FTO: variants seen among roughly 807,000 people sequenced by gnomAD.
The protein encoded by FTO is alpha-ketoglutarate-dependent dioxygenase FTO.
A neutral mutation model predicts 63.9 loss-of-function variants in FTO; 47 were observed. The ratio of observed to expected loss-of-function variants is 0.74; its 90% CI spans 0.58 to 0.94. The LOEUF is 0.94. FTO is among the 40% of genes least tolerant of loss of function. The pLI, the probability that FTO is intolerant of heterozygous loss-of-function variation, is 0.00. For missense variants in FTO, 562 were observed against 618.1 expected (o/e 0.91, Z 0.96); for synonymous variants, 207 against 224.4 (o/e 0.92, Z 0.69).
chr16:53,764,606 T>C (rs948123270), intron 1 of FTO, among the ~76,000 whole-genome samples: 6 of 152,304 alleles, frequency 3.9e-5, no homozygotes, highest in Middle Eastern at 3.4e-3. Flanking sequence ...GTTGAGAGCA[T>C]GTGCGAACTT....
chr16:53,731,683 G>A (rs1178847696), intron 1 of FTO, among the ~76,000 whole-genome samples: 1 of 151,490 alleles, frequency 6.6e-6, no homozygotes, highest in Non-Finnish European at 1.5e-5. Context: ...TCATGCCTCA[G>A]CCTCCCGAGT....
intron 3 of FTO, among the ~76,000 whole-genome samples, chr16:53,840,565 G>T (rs1298168910): frequency 1.3e-5 from 2 of 152,188 alleles, no homozygotes; most frequent in Non-Finnish European, 2.9e-5. Context: ...TATAGTCTGT[G>T]TCTTATCTAC....
At chr16:54,051,990 A>T (rs201509085) in intron 8 of FTO, among the ~76,000 whole-genome samples, 1 of 152,200 alleles carries the variant, frequency 6.6e-6, no homozygotes, top group East Asian at 1.9e-4. Context: ...AGAGGACTGG[A>T]TGCCAAAACA....
At chr16:53,932,973 A>C (rs2082316209) in intron 7 of FTO, among the ~76,000 whole-genome samples, 1 of 152,158 alleles carries the variant, frequency 6.6e-6, no homozygotes, top group African/African-American at 2.4e-5. Context: ...TCCCTCTAAG[A>C]CTTTATACCA....
intron 7 of FTO, among the ~76,000 whole-genome samples, chr16:53,928,435 G>A (rs2082200070): frequency 6.6e-6 from 1 of 152,072 alleles, no homozygotes; most frequent in South Asian, 2.1e-4. Context: ...ACATTTCCTG[G>A]GGAAGTCAAC....
intron 8 of FTO, among the ~76,000 whole-genome samples, chr16:53,997,703 TC>T (rs1555500964): frequency 1.4e-5 from 1 of 73,036 alleles, no homozygotes; most frequent in African/African-American, 1.2e-4. Flanking sequence ...TTGATTTGGA[TC>T]TTTTTTTTTT....
intron 8 of FTO, among the ~76,000 whole-genome samples, chr16:54,093,023 T>G (rs1289098271): frequency 6.6e-6 from 1 of 152,186 alleles, no homozygotes; most frequent in South Asian, 2.1e-4. Flanking sequence ...TCCCCATACA[T>G]TTGAACAAAA....
chr16:54,077,737 AG>A (rs1447305046), intron 8 of FTO, among the ~76,000 whole-genome samples: 2 of 152,112 alleles, frequency 1.3e-5, no homozygotes, highest in Non-Finnish European at 2.9e-5. Flanking sequence ...ATCAGATGGC[AG>A]GGGGGCAGGT....
At chr16:54,097,783 A>G (rs760490437) in intron 8 of FTO, among the ~76,000 whole-genome samples, 3 of 152,182 alleles carry the variant, frequency 2.0e-5, no homozygotes, top group Non-Finnish European at 2.9e-5. Context: ...AGTGCTACAG[A>G]GAAAAATAGG....
chr16:53,759,109 A>C (rs2076988241), intron 1 of FTO, among the ~76,000 whole-genome samples: 1 of 152,168 alleles, frequency 6.6e-6, no homozygotes, highest in Non-Finnish European at 1.5e-5. Context: ...TTATATTATT[A>C]TTTGTACTTT....
intron 8 of FTO, among the ~76,000 whole-genome samples, chr16:54,088,613 A>C (rs187986719): frequency 6.6e-6 from 1 of 152,196 alleles, no homozygotes; most frequent in Non-Finnish European, 1.5e-5. Flanking sequence ...ATGCCCCACA[A>C]ATAAACAGAT....
chr16:53,879,721 A>T, intron 5 of FTO, 123 bp from the exon 6 acceptor site: 4 of 908,890 alleles, frequency 4.4e-6, no homozygotes, highest in Non-Finnish European at 7.2e-6. Context: ...AAAGGAGTAT[A>T]GACTGAGCCA....
At chr16:53,841,591 C>T (rs972699108) in intron 3 of FTO, among the ~76,000 whole-genome samples, 3 of 152,188 alleles carry the variant, frequency 2.0e-5, no homozygotes, top group African/African-American at 7.2e-5. Flanking sequence ...TTCACCATGC[C>T]TAGTGCAAAT....
rs572591464 is a variant in FTO at position 53,866,489 on chromosome 16, T to C, written c.896-7297T>C. Among the ~76,000 whole-genome samples the C allele has an allele frequency of 2.0e-5, 3 of 152,306 alleles. No individual in the cohort carries two copies. In the South Asian group the frequency reaches 6.2e-4, roughly 32 times the overall value. On this transcript the variant is annotated intron_variant, in intron 4 of 8. Coordinates refer to ENST00000471389, the MANE Select transcript of FTO (RefSeq NM_001080432.3). ...TTAAATGTTTGGTAGAACTCAACAG[T>C]GAACATATTTGGGCCTGGCGCTTTG...
chr16:54,106,888 G>A (rs1399837948), intron 8 of FTO, among the ~76,000 whole-genome samples: 1 of 135,966 alleles, frequency 7.4e-6, no homozygotes, highest in Non-Finnish European at 1.5e-5. Context: ...ATATATTATT[G>A]TATATAAATA....
At chr16:53,738,927 A>G (rs1410150702) in intron 1 of FTO, among the ~76,000 whole-genome samples, 1 of 150,874 alleles carries the variant, frequency 6.6e-6, no homozygotes, top group African/African-American at 2.4e-5. Flanking sequence ...TGGAGCCTCA[A>G]CCTCCGGGGC....
At chr16:53,819,314 T>G (rs997670248) in intron 2 of FTO, among the ~76,000 whole-genome samples, 1 of 152,044 alleles carries the variant, frequency 6.6e-6, no homozygotes, top group Admixed American at 6.6e-5. Context: ...GGACCACAGG[T>G]GCATGCCACC....
intron 7 of FTO, among the ~76,000 whole-genome samples, chr16:53,910,466 C>G (rs146532237): frequency 0.026 from 4,030 of 152,156 alleles, 72 homozygotes; most frequent in African/African-American, 0.051. Context: ...AAAAATTTTG[C>G]TGCAAAATTA....
chr16:53,821,687 T>A (rs917793710), intron 2 of FTO, among the ~76,000 whole-genome samples: 1 of 152,144 alleles, frequency 6.6e-6, no homozygotes, highest in Non-Finnish European at 1.5e-5. Context: ...ACTTACCTAG[T>A]AAAGTCATTT....
Sources: gnomAD v4.1 joint callset for allele counts (sites outside exome capture counted in the v4.1 genomes callset) on GRCh38, gnomAD v4.1.1 for gene constraint, MANE v1.5 for transcripts, NCBI Gene and HGNC (gene_info 2026-07-23, HGNC 2026-07-21) for gene names.